Variants in TXNDC16 observed in about 807,000 individuals in gnomAD.
The protein encoded by TXNDC16 is thioredoxin domain containing 16, also known as thioredoxin domain-containing protein 16.
A neutral mutation model predicts 85.6 loss-of-function variants in TXNDC16; 74 were observed. The ratio of observed to expected loss-of-function variants is 0.86; its 90% CI spans 0.72 to 1.05. TXNDC16 has a LOEUF of 1.05. Among genes scored for constraint, TXNDC16 ranks in the 50% least tolerant of loss-of-function variants. The pLI is 0.00. For missense variants in TXNDC16, 959 were observed against 947.0 expected (o/e 1.01, Z -0.17); for synonymous variants, 335 against 326.5 (o/e 1.03, Z -0.28).
At chr14:52,530,309 A>T (rs1477204440) in intron 6 of TXNDC16, among the ~76,000 whole-genome samples, 6 of 56,920 alleles carry the variant, frequency 1.1e-4, no homozygotes, top group East Asian at 1.9e-3. Flanking sequence ...ATATTAATAT[A>T]TAATATATAA....
At chr14:52,490,729 A>G (rs1017926060) in intron 10 of TXNDC16, 110 bp downstream of exon 10, 1 of 1,190,734 alleles carries the variant, frequency 8.4e-7, no homozygotes, top group African/African-American at 1.6e-5. Context: ...ACTATATTGG[A>G]ATCTATTAGA....
chr14:52,460,298 A>T (rs529758777), intron 16 of TXNDC16, among the ~76,000 whole-genome samples: 5 of 152,318 alleles, frequency 3.3e-5, no homozygotes, highest in African/African-American at 1.2e-4. Context: ...ATAGAAAAAC[A>T]TCCCAAGCTC....
At chr14:52,503,679 C>T (rs2036717572) in intron 9 of TXNDC16, among the ~76,000 whole-genome samples, 1 of 152,186 alleles carries the variant, frequency 6.6e-6, no homozygotes, top group Non-Finnish European at 1.5e-5. Flanking sequence ...TCTACTCCTC[C>T]AAAGGAACGC....
At chr14:52,543,789 C>CTTGACTTGAAA (rs2037885571) in intron 2 of TXNDC16, among the ~76,000 whole-genome samples, 159 bp from the exon 3 acceptor site, 1 of 152,038 alleles carries the variant, frequency 6.6e-6, no homozygotes, top group African/African-American at 2.4e-5. Flanking sequence ...TATATAACAA[C>CTTGACTTGAAA]ATTGACTTGA....
intron 16 of TXNDC16, among the ~76,000 whole-genome samples, chr14:52,462,176 G>A (rs1322925559): frequency 3.9e-5 from 6 of 151,914 alleles, no homozygotes; most frequent in Admixed American, 2.0e-4. Context: ...GCTTTTAAAT[G>A]GTTTCTCTTT....
chr14:52,470,643 T>G lies in TXNDC16; in HGVS notation c.1350A>C (p.Ala450=). 1.2e-6 allele frequency: 2 copies of G among 1,612,914 alleles called. No homozygotes were observed. Among genetic ancestry groups the G allele is most frequent in the Non-Finnish European group, 1.7e-6 (2 of 1,179,488 alleles). Residue 450 remains alanine, a synonymous_variant, in exon 15 of 21, where the codon GCA becomes GCC. Transcript: ENST00000281741. ...STMLLTRINC[A]DWSDVCTKQN... ...GCTTAGTACATACATCAGACCAATC[T>G]GCACAGTTTATTCTAGTAAGAAGCA...
chr14:52,434,468 C>CT (rs1303893023), intron 20 of TXNDC16, among the ~76,000 whole-genome samples: 2 of 152,144 alleles, frequency 1.3e-5, no homozygotes, highest in African/African-American at 4.8e-5. Flanking sequence ...TGAGCCTTTA[C>CT]TATACACATG....
chr14:52,497,303 T>C (rs2036554417), intron 9 of TXNDC16, among the ~76,000 whole-genome samples: 1 of 152,088 alleles, frequency 6.6e-6, no homozygotes, highest in African/African-American at 2.4e-5. Flanking sequence ...TGAACAGATC[T>C]AGAACTAGTA....
intron 14 of TXNDC16, among the ~76,000 whole-genome samples, chr14:52,476,649 A>G (rs1278326017): frequency 6.6e-6 from 1 of 152,190 alleles, no homozygotes; most frequent in Admixed American, 6.5e-5. Flanking sequence ...AGAAAAAAAT[A>G]AGAAAATATG....
At chr14:52,478,735 TCAAAGAAGA>T (rs1373396281) in intron 14 of TXNDC16, among the ~76,000 whole-genome samples, 3 of 151,926 alleles carry the variant, frequency 2.0e-5, no homozygotes, top group African/African-American at 7.3e-5. Context: ...TACCAGACAT[TCAAAGAAGA>T]ATTGGTACCA....
chr14:52,511,413 C>T, intron 8 of TXNDC16, 23 bp from the exon 9 acceptor site: 1 of 1,517,128 alleles, frequency 6.6e-7, no homozygotes, highest in Non-Finnish European at 9.0e-7. Context: ...AATTAATTAA[C>T]TTAATGAAGT....
At chr14:52,493,217 A>ATATATATATATATATATATAT (rs60903542) in intron 9 of TXNDC16, among the ~76,000 whole-genome samples, 5 of 98,450 alleles carry the variant, frequency 5.1e-5, no homozygotes, top group African/African-American at 1.3e-4. Flanking sequence ...ATATATATAT[A>ATATATATATATATATATATAT]CACACACACA....
At chr14:52,505,207 T>G (rs1409884694) in intron 9 of TXNDC16, among the ~76,000 whole-genome samples, 1 of 152,180 alleles carries the variant, frequency 6.6e-6, no homozygotes, top group Non-Finnish European at 1.5e-5. Flanking sequence ...AATTCACTTC[T>G]GCACCAAGCA....
chr14:52,488,071 G>A (rs2036310328), intron 12 of TXNDC16, among the ~76,000 whole-genome samples: 1 of 152,164 alleles, frequency 6.6e-6, no homozygotes, highest in South Asian at 2.1e-4. Context: ...TTTAAACATG[G>A]ACTAGTCCAG....
intron 5 of TXNDC16, among the ~76,000 whole-genome samples, chr14:52,537,072 A>T (rs1396096331): frequency 1.7e-5 from 2 of 118,170 alleles, no homozygotes; most frequent in Non-Finnish European, 3.5e-5. Flanking sequence ...ACTCACAATC[A>T]CACACACACA....
At chr14:52,482,081 G>A in intron 14 of TXNDC16, 149 bp downstream of exon 14, 1 of 619,958 alleles carries the variant, frequency 1.6e-6, no homozygotes, top group Non-Finnish European at 2.6e-6. Flanking sequence ...AAGCACTCTT[G>A]AAACTCCTGG....
chr14:52,432,623 C>T, intron 20 of TXNDC16, 36 bp from the exon 21 acceptor site: 1 of 1,549,826 alleles, frequency 6.5e-7, no homozygotes, highest in Non-Finnish European at 8.7e-7. Context: ...TAAAGATTAA[C>T]AGCTATAAAT....
intron 16 of TXNDC16, among the ~76,000 whole-genome samples, chr14:52,466,478 C>T (rs959694419): frequency 6.7e-6 from 1 of 148,784 alleles, no homozygotes; most frequent in Non-Finnish European, 1.5e-5. Flanking sequence ...TTGAAACGAT[C>T]TTTAACTTTA....
At chr14:52,471,074 T>C (rs570933946) in intron 14 of TXNDC16, among the ~76,000 whole-genome samples, 22 of 152,300 alleles carry the variant, frequency 1.4e-4, no homozygotes, top group Middle Eastern at 6.8e-3. Flanking sequence ...ACCTTCTCTG[T>C]TTTCCTTTGA....
Sources: allele counts gnomAD v4.1 joint callset (sites outside exome capture counted in the v4.1 genomes callset), GRCh38; gene constraint gnomAD v4.1.1; transcripts MANE v1.5; gene names NCBI Gene and HGNC (gene_info 2026-07-23, HGNC 2026-07-21).